Variants in APLF observed in about 807,000 individuals in gnomAD.
APLF encodes the protein aprataxin and PNK-like factor.
APLF carries 61 observed loss-of-function variants against 55.6 expected under a neutral mutation model. The observed-to-expected ratio is 1.10, with a 90% CI of 0.89 to 1.36. The LOEUF (loss-of-function observed/expected upper bound fraction) is 1.36, where lower values mean the gene tolerates loss of function less well. Ranked by LOEUF, APLF falls within the 40% of genes most tolerant of loss-of-function variation. The pLI, the probability that APLF is intolerant of heterozygous loss-of-function variation, is 0.00. For synonymous variants in APLF, 207 were observed against 214.8 expected (o/e 0.96, Z 0.32); for missense variants, 611 against 602.5 (o/e 1.01, Z -0.15).
intron 6 of APLF, among the ~76,000 whole-genome samples, chr2:68,530,338 A>G (rs1248729155): frequency 2.0e-5 from 3 of 152,256 alleles, no homozygotes; most frequent in Non-Finnish European, 4.4e-5. Context: ...ATACAAGTTG[A>G]CCATGGCATG....
At position 68,577,957 on chromosome 2, in the gene APLF, G is replaced by A. The variant is rs199939093; in HGVS notation, c.1471G>A (p.Asp491Asn). 5.0e-6 allele frequency: 8 copies of A among 1,613,620 alleles called. No homozygotes were observed. The highest frequency in any genetic ancestry group is 5.9e-6 in the Non-Finnish European group (7 of 1,179,720). Residue 491 changes from aspartate to asparagine, a missense_variant, in exon 10 of 10, where the codon GAT becomes AAT. Coordinates refer to ENST00000303795, the MANE Select transcript of APLF (RefSeq NM_173545.3). ...EDSDWEPGKEDEEKEDVEELL... is the reference protein window; with the variant it reads ...EDSDWEPGKENEEKEDVEELL... ...TTCTGACTGGGAACCAGGAAAGGAAGATGAAGAGAAGGAAGATGTGGAAGA... is the reference window on the plus strand; with the variant it reads ...TTCTGACTGGGAACCAGGAAAGGAAAATGAAGAGAAGGAAGATGTGGAAGA...
At chr2:68,569,645 C>T (rs1671399785) in intron 9 of APLF, among the ~76,000 whole-genome samples, 1 of 150,204 alleles carries the variant, frequency 6.7e-6, no homozygotes, top group Non-Finnish European at 1.5e-5. Context: ...CTGGTGAATA[C>T]AGTTTGAATT....
At chr2:68,501,825 G>C (rs187274871) in intron 2 of APLF, among the ~76,000 whole-genome samples, 1 of 152,264 alleles carries the variant, frequency 6.6e-6, no homozygotes, top group East Asian at 1.9e-4. Flanking sequence ...GATTTGATTA[G>C]AATCTTCCTT....
intron 1 of APLF, among the ~76,000 whole-genome samples, chr2:68,478,268 A>G (rs571419546): frequency 3.3e-5 from 5 of 152,340 alleles, no homozygotes; most frequent in Admixed American, 3.3e-4. Context: ...AAAATAAATG[A>G]ATACAGCATA....
intron 5 of APLF, chr2:68,515,457 G>A (rs1383836694): frequency 2.2e-6 from 1 of 457,398 alleles, no homozygotes; most frequent in Admixed American, 6.4e-5. Context: ...GGACCAATGT[G>A]AGCTGGTCCC....
intron 3 of APLF, among the ~76,000 whole-genome samples, chr2:68,510,745 C>T (rs1677024038): frequency 6.6e-6 from 1 of 151,774 alleles, no homozygotes; most frequent in South Asian, 2.1e-4. Context: ...CAGCATTATT[C>T]ATAATAGCCA....
At chr2:68,543,712 A>G (rs1670621594) in intron 7 of APLF, among the ~76,000 whole-genome samples, 1 of 152,216 alleles carries the variant, frequency 6.6e-6, no homozygotes, top group African/African-American at 2.4e-5. Context: ...AGTAAAATGG[A>G]TAAATTATAA....
chr2:68,474,252 A>G (rs1411742276), intron 1 of APLF, among the ~76,000 whole-genome samples: 2 of 152,230 alleles, frequency 1.3e-5, no homozygotes, highest in Non-Finnish European at 2.9e-5. Context: ...TTATGGAGTC[A>G]TCGTTATTTA....
At chr2:68,570,287 A>AAC (rs1558557037) in intron 9 of APLF, among the ~76,000 whole-genome samples, 1 of 146,664 alleles carries the variant, frequency 6.8e-6, no homozygotes, top group Non-Finnish European at 1.5e-5. Context: ...TTTTTTTTTT[A>AAC]ATATATATAT....
At position 68,496,658 on chromosome 2, in the gene APLF, T is replaced by C. The variant is rs376342410; in HGVS notation, c.169-6073T>C. ...AACACTTTGCTGCTTAGAGGTTTCC[T>C]CTACCAGATTCCCTAAATCATCATT... On this transcript the variant is annotated intron_variant, in intron 2 of 9. Coordinates refer to ENST00000303795, the MANE Select transcript of APLF (RefSeq NM_173545.3). Among the ~76,000 whole-genome samples the C allele has an allele frequency of 2.7e-4, 41 of 152,334 alleles. 1 individual carries two copies. Among genetic ancestry groups the C allele is most frequent in the African/African-American group, 9.6e-4 (40 of 41,584 alleles).
intron 7 of APLF, among the ~76,000 whole-genome samples, chr2:68,540,434 AAGTC>A (rs1460303753): frequency 6.6e-6 from 1 of 152,138 alleles, no homozygotes; most frequent in East Asian, 1.9e-4. Context: ...GGTTGGTTCC[AAGTC>A]TTTGCTATTG....
chr2:68,568,416 ACTTTAGTG>A (rs1671365645), intron 9 of APLF: 2 of 642,216 alleles, frequency 3.1e-6, no homozygotes, highest in South Asian at 1.4e-4. Context: ...ATTGAAACAC[ACTTTAGTG>A]CTTTAGTACT....
At chr2:68,518,806 A>ATTG (rs147637195) in intron 5 of APLF, among the ~76,000 whole-genome samples, 5 of 1,504 alleles carry the variant, frequency 3.3e-3, no homozygotes, top group African/African-American at 0.014. Context: ...ATAATCTATC[A>ATTG]TATAATAAAA....
chr2:68,563,344 A>C (rs1671216115), intron 8 of APLF: 2 of 983,568 alleles, frequency 2.0e-6, no homozygotes, highest in South Asian at 9.4e-5. Flanking sequence ...AATTAAATGT[A>C]ACACTTCTTT....
At chr2:68,472,945 G>T (rs186501390) in intron 1 of APLF, among the ~76,000 whole-genome samples, 62 of 152,170 alleles carry the variant, frequency 4.1e-4, no homozygotes, top group Non-Finnish European at 7.6e-4. Context: ...CCTCTTACAT[G>T]TACAGCTTCC....
intron 8 of APLF, among the ~76,000 whole-genome samples, chr2:68,557,114 A>C (rs1671038432): frequency 6.6e-6 from 1 of 152,112 alleles, no homozygotes. Flanking sequence ...TGGTTCCAGG[A>C]CCCCAGGGCA....
chr2:68,548,215 AAAAT>A (rs1670759434), intron 8 of APLF, among the ~76,000 whole-genome samples: 1 of 151,892 alleles, frequency 6.6e-6, no homozygotes, highest in Admixed American at 6.6e-5. Flanking sequence ...ACAAGAAACA[AAAAT>A]TAATTAAAAT....
chr2:68,517,366 A>G (rs1395928674), intron 5 of APLF, among the ~76,000 whole-genome samples: 1 of 130,948 alleles, frequency 7.6e-6, no homozygotes, highest in Admixed American at 8.3e-5. Flanking sequence ...ACTATATAAT[A>G]TATTCATATA....
intron 2 of APLF, among the ~76,000 whole-genome samples, chr2:68,501,321 T>A (rs1676713637): frequency 6.6e-6 from 1 of 152,016 alleles, no homozygotes; most frequent in African/African-American, 2.4e-5. Flanking sequence ...ATTCCCAGGG[T>A]GGTAATTACT....
Sources: gnomAD v4.1 joint callset for allele counts (sites outside exome capture counted in the v4.1 genomes callset) on GRCh38, gnomAD v4.1.1 for gene constraint, MANE v1.5 for transcripts, NCBI Gene and HGNC (gene_info 2026-07-23, HGNC 2026-07-21) for gene names.